IGFL4: variants seen among roughly 807,000 people sequenced by gnomAD.
The protein encoded by IGFL4 is IGF like family member 4.
Under a neutral mutation model 15.4 loss-of-function variants are expected in IGFL4, and 12 were observed. That is an observed-to-expected ratio of 0.78 (90% confidence interval 0.50 to 1.26). The LOEUF (loss-of-function observed/expected upper bound fraction) is 1.26. Among genes scored for constraint, IGFL4 ranks in the 50% most tolerant of loss-of-function variants. The pLI, the probability that IGFL4 is intolerant of heterozygous loss-of-function variation, is 0.00. For synonymous variants in IGFL4, 54 were observed against 55.9 expected (o/e 0.97, Z 0.16); for missense variants, 126 against 147.8 (o/e 0.85, Z 0.76).
At chr19:46,046,780 G>A (rs1189992966) in intron 2 of IGFL4, among the ~76,000 whole-genome samples, 1 of 152,200 alleles carries the variant, frequency 6.6e-6, no homozygotes, top group Non-Finnish European at 1.5e-5. Context: ...AGATCTACAA[G>A]AGACTTAAGA....
rs369999392 is a variant in IGFL4 at position 46,039,940 on chromosome 19, CAGA to C, written c.331-7_331-5del. 2,997 of 1,612,564 alleles carry C rather than the reference CAGA, an allele frequency of 1.9e-3. 12 individuals carry two copies. Among genetic ancestry groups the C allele is most frequent in the Middle Eastern group, 0.017 (101 of 6,058 alleles). On this transcript the variant is annotated splice_region_variant and splice_polypyrimidine_tract_variant and intron_variant, in intron 3 of 3. Coordinates refer to ENST00000377697, the MANE Select transcript of IGFL4 (RefSeq NM_001002923.3). Reference sequence around the variant, plus strand: ...CAGGGCTTTTTGGGTGGTATTCCTGCAGAAGGAGAGAAGTGGGAGAGGGGAATA... The same window carrying C: ...CAGGGCTTTTTGGGTGGTATTCCTGCAGGAGAGAAGTGGGAGAGGGGAATA...
chr19:46,069,048 G>A (rs938618601), intron 1 of IGFL4, among the ~76,000 whole-genome samples: 1 of 152,204 alleles, frequency 6.6e-6, no homozygotes. Context: ...CTGGCAGTAC[G>A]TGGGAAAGCT....
intron 2 of IGFL4, among the ~76,000 whole-genome samples, chr19:46,048,248 T>G (rs372956679): frequency 5.9e-5 from 9 of 152,176 alleles, no homozygotes; most frequent in African/African-American, 1.9e-4. Flanking sequence ...CTCAATAAAC[T>G]AAGTATTGAA....
At chr19:46,043,513 G>T (rs1246155413), upstream of IGFL4, among the ~76,000 whole-genome samples, 2 of 152,164 alleles carry the variant, frequency 1.3e-5, no homozygotes, top group Non-Finnish European at 1.5e-5. Context: ...GATGAAAAAT[G>T]TTGGAGGACT....
At chr19:46,044,586 A>G (rs1182687548), upstream of IGFL4, among the ~76,000 whole-genome samples, 6 of 152,160 alleles carry the variant, frequency 3.9e-5, no homozygotes, top group Non-Finnish European at 7.3e-5. Flanking sequence ...GGAGAATACA[A>G]ATGGTCCAGA....
upstream of IGFL4, among the ~76,000 whole-genome samples, chr19:46,041,837 CTTTT>C (rs11334515): frequency 1.8e-5 from 2 of 109,856 alleles, no homozygotes; most frequent in Non-Finnish European, 1.9e-5. Flanking sequence ...TCCTCTCTCT[CTTTT>C]TTTTTTTTTT....
intron 2 of IGFL4, among the ~76,000 whole-genome samples, chr19:46,052,816 C>T (rs1969357656): frequency 6.8e-6 from 1 of 147,670 alleles, no homozygotes; most frequent in Non-Finnish European, 1.5e-5. Context: ...TTAAAATGTA[C>T]ATTACATGTT....
intron 1 of IGFL4, among the ~76,000 whole-genome samples, chr19:46,066,100 A>G (rs1969492284): frequency 6.6e-6 from 1 of 152,202 alleles, no homozygotes; most frequent in South Asian, 2.1e-4. Flanking sequence ...GTGAAGCGTG[A>G]GCTTGTAAAG....
rs1426418751 is a variant in IGFL4 at position 46,040,932 on chromosome 19, G to A, written c.19+12C>T. On this transcript the variant is annotated intron_variant, in intron 1 of 3. Transcript: ENST00000377697. This position sits in a 1 kb window ranked among gnomAD's most constrained non-coding sequence, Gnocchi z 4.1. ...TAGGGATTAGCTTAGCCTAGGGCTG[G>A]GGTCTCCTTACCAGAAATTCTGGGC... 11 of 1,589,056 alleles carry A rather than the reference G, an allele frequency of 6.9e-6. No individual in the cohort carries two copies. The Admixed American group carries it at 1.6e-4, about 24-fold the overall frequency.
intron 1 of IGFL4, among the ~76,000 whole-genome samples, chr19:46,066,501 A>G (rs958107905): frequency 2.6e-5 from 4 of 152,168 alleles, no homozygotes; most frequent in Admixed American, 6.5e-5. Context: ...TGCTATAAGG[A>G]AATACCCAAG....
At chr19:46,053,026 A>T (rs1433453063) in intron 2 of IGFL4, among the ~76,000 whole-genome samples, 1 of 151,840 alleles carries the variant, frequency 6.6e-6, no homozygotes, top group Non-Finnish European at 1.5e-5. Flanking sequence ...GACAGTAAAC[A>T]TGCCAACGGA....
At chr19:46,054,522 T>C (rs944823675) in intron 2 of IGFL4, among the ~76,000 whole-genome samples, 1 of 152,212 alleles carries the variant, frequency 6.6e-6, no homozygotes, top group African/African-American at 2.4e-5. Context: ...GTAGTATATT[T>C]TGAGGTCTGG....
In IGFL4 at chr19:46,039,828, A is replaced by G; in HGVS notation, c.*64T>C. On this transcript the variant is annotated 3_prime_UTR_variant, in exon 4 of 4. Transcript: ENST00000377697. ...CTCTGTCACAACAACAACAAAATCA[A>G]TGCAGTATAATTACCAAGTATTAGA... The G allele has an allele frequency of 2.2e-6, 3 of 1,356,478 alleles. No homozygotes were observed. The highest frequency in any genetic ancestry group is 3.2e-6 in the Non-Finnish European group (3 of 945,946). 84.0% of individuals were successfully genotyped at this position (1,356,478 alleles called of 1,614,324 possible).
chr19:46,041,055 C>CCTAA, upstream of IGFL4: 1 of 1,183,586 alleles, frequency 8.4e-7, no homozygotes, highest in Non-Finnish European at 1.2e-6. Flanking sequence ...AACTTACCGC[C>CCTAA]ATTTAGGGAG....
chr19:46,059,887 C>T (rs1969428416), intron 2 of IGFL4: 1 of 152,196 alleles, frequency 6.6e-6, no homozygotes, highest in African/African-American at 2.4e-5. Flanking sequence ...AATTCCTCTC[C>T]TCTTGAGGTC....
At chr19:46,043,880 A>C (rs1170516867), upstream of IGFL4, among the ~76,000 whole-genome samples, 1 of 152,226 alleles carries the variant, frequency 6.6e-6, no homozygotes, top group African/African-American at 2.4e-5. Context: ...GATACAAAAA[A>C]CATTGTCCAT....
At position 46,039,791 on chromosome 19, in the gene IGFL4, G is replaced by A. The variant is rs1969217581; in HGVS notation, c.*101C>T. On this transcript the variant is annotated 3_prime_UTR_variant, in exon 4 of 4. Coordinates refer to ENST00000377697, the MANE Select transcript of IGFL4 (RefSeq NM_001002923.3). ...TGCTTATTTGCACTCCAGCCTGGGG[G>A]ACAGAGTGAAACTCTGTCACAACAA... 2 of 1,069,018 alleles carry A rather than the reference G, an allele frequency of 1.9e-6. No individual in the cohort carries two copies. The highest frequency in any genetic ancestry group is 3.1e-5 in the African/African-American group (2 of 63,760). The allele number at this position is 1,069,018 out of a possible 1,614,324, so 66.2% of individuals were successfully genotyped here. A position where few individuals can be genotyped will look rare whatever the true frequency, so the allele number is the denominator to read the frequency against.
chr19:46,048,403 T>C (rs774656464), intron 2 of IGFL4, among the ~76,000 whole-genome samples: 12 of 152,136 alleles, frequency 7.9e-5, no homozygotes, highest in Non-Finnish European at 1.6e-4. Context: ...CAACATAGTA[T>C]TGGAAGTTCT....
intron 1 of IGFL4, among the ~76,000 whole-genome samples, chr19:46,068,968 G>A (rs1458818889): frequency 2.0e-5 from 3 of 152,218 alleles, no homozygotes; most frequent in African/African-American, 7.2e-5. Context: ...ATTAGGGACA[G>A]GAGAGCATGT....
Sources: allele counts gnomAD v4.1 joint callset (sites outside exome capture counted in the v4.1 genomes callset), GRCh38; gene constraint gnomAD v4.1.1; non-coding constraint Gnocchi (gnomAD v3.1); transcripts MANE v1.5; gene names NCBI Gene and HGNC (gene_info 2026-07-23, HGNC 2026-07-21).